CNTN1: variants seen among roughly 807,000 people sequenced by gnomAD.
The protein encoded by CNTN1 is contactin 1, also known as contactin-1.
A neutral mutation model predicts 126.4 loss-of-function variants in CNTN1; 38 were observed. That is an observed-to-expected ratio of 0.30 (90% CI 0.23 to 0.39). The LOEUF (loss-of-function observed/expected upper bound fraction) is 0.39, where lower values mean the gene tolerates loss of function less well. Among genes scored for constraint, CNTN1 ranks in the 10% least tolerant of loss-of-function variants. CNTN1 has a pLI of 1.00. For synonymous variants in CNTN1, 413 were observed against 422.6 expected (o/e 0.98, Z 0.28); for missense variants, 1,009 against 1,248.4 (o/e 0.81, Z 2.89).
At chr12:40,892,419 C>T (rs1011910522) in intron 1 of CNTN1, among the ~76,000 whole-genome samples, 1 of 152,006 alleles carries the variant, frequency 6.6e-6, no homozygotes, top group Non-Finnish European at 1.5e-5. Context: ...AACACTAAAT[C>T]CCAGCCACAT....
chr12:40,836,068 G>GTATATATACGTCCATATACAGGTA (rs1942041652), intron 1 of CNTN1, among the ~76,000 whole-genome samples: 1 of 146,220 alleles, frequency 6.8e-6, no homozygotes, highest in Non-Finnish European at 1.5e-5. Flanking sequence ...GTATACAGGT[G>GTATATATACGTCCATATACAGGTA]TATATATACG....
chr12:40,922,134 C>G (rs916519353), intron 4 of CNTN1, 122 bp from the exon 5 acceptor site: 10 of 793,154 alleles, frequency 1.3e-5, no homozygotes, highest in Non-Finnish European at 2.2e-5. Context: ...CCACCTGAAT[C>G]ATATTCTTAA....
chr12:40,723,237 T>C (rs1219509877), intron 1 of CNTN1, among the ~76,000 whole-genome samples: 1 of 152,186 alleles, frequency 6.6e-6, no homozygotes, highest in Non-Finnish European at 1.5e-5. Flanking sequence ...AATTAATTCT[T>C]AGCTATTCAG....
At chr12:40,717,213 C>T (rs1252341023) in intron 1 of CNTN1, among the ~76,000 whole-genome samples, 1 of 152,150 alleles carries the variant, frequency 6.6e-6, no homozygotes, top group African/African-American at 2.4e-5. Flanking sequence ...TTACTACTCT[C>T]ACTCTCTTTA....
intron 15 of CNTN1, among the ~76,000 whole-genome samples, chr12:40,975,181 TATATATATATATATA>T (rs1566074040): frequency 0.26 from 32,740 of 126,582 alleles, 4,117 homozygotes; most frequent in South Asian, 0.35. Flanking sequence ...AAATGGATTA[TATATATATATATATA>T]TATATATATA....
intron 21 of CNTN1, 73 bp downstream of exon 21, chr12:41,025,409 A>G: frequency 6.7e-7 from 1 of 1,487,748 alleles, no homozygotes; most frequent in East Asian, 2.3e-5. Flanking sequence ...AATATATTTG[A>G]AGGAAATTTC....
intron 1 of CNTN1, among the ~76,000 whole-genome samples, chr12:40,754,101 A>G (rs1414429990): frequency 6.6e-6 from 1 of 152,080 alleles, no homozygotes; most frequent in Non-Finnish European, 1.5e-5. Context: ...TTGGTACACT[A>G]TAGATGTGTG....
At chr12:41,026,964 T>C (rs1949049849) in intron 21 of CNTN1, among the ~76,000 whole-genome samples, 1 of 152,076 alleles carries the variant, frequency 6.6e-6, no homozygotes, top group South Asian at 2.1e-4. Flanking sequence ...GACAACTTGC[T>C]GCCAATTTGG....
chr12:41,031,372 A>G (rs1949142440), intron 23 of CNTN1, among the ~76,000 whole-genome samples: 1 of 152,214 alleles, frequency 6.6e-6, no homozygotes, highest in Admixed American at 6.5e-5. Flanking sequence ...TGTAATTGCC[A>G]CCATACAGGT....
chr12:40,701,688 A>T (rs1403344461), intron 1 of CNTN1, among the ~76,000 whole-genome samples: 4 of 152,170 alleles, frequency 2.6e-5, no homozygotes, highest in Non-Finnish European at 4.4e-5. Flanking sequence ...ATTATTTTGG[A>T]GAGCATAACA....
At chr12:40,783,553 A>C (rs1314814508) in intron 1 of CNTN1, among the ~76,000 whole-genome samples, 5 of 152,096 alleles carry the variant, frequency 3.3e-5, no homozygotes, top group Admixed American at 2.6e-4. Context: ...AGTAAACATC[A>C]ATTTCAATAT....
chr12:40,743,703 A>G (rs1938046208), intron 1 of CNTN1, among the ~76,000 whole-genome samples: 2 of 151,682 alleles, frequency 1.3e-5, no homozygotes, highest in Admixed American at 1.3e-4. Flanking sequence ...TGGATATTAG[A>G]TAGATTGCAA....
chr12:40,707,404 A>G (rs1242807583), intron 1 of CNTN1, among the ~76,000 whole-genome samples: 6 of 150,492 alleles, frequency 4.0e-5, no homozygotes, highest in Non-Finnish European at 8.9e-5. Context: ...GCCTGCCACC[A>G]CACCCGGCTA....
rs189260601 is a variant in CNTN1, at chr12:40,804,720, T to C, written c.-76-103637T>C. ...CACAGTGGACTGGCTATTTTTACCA[T>C]TTTAAGAGCTCTTTATATTTTTTTA... On this transcript the variant is annotated intron_variant, in intron 1 of 23. Coordinates refer to ENST00000551295, the MANE Select transcript of CNTN1 (RefSeq NM_001843.4). 1.9e-3 allele frequency among the ~76,000 whole-genome samples: 284 copies of C among 152,128 alleles called. 1 individual carries two copies. Among genetic ancestry groups the C allele is most frequent in the Non-Finnish European group, 1.6e-3 (112 of 67,960 alleles).
intron 1 of CNTN1, among the ~76,000 whole-genome samples, chr12:40,748,190 G>A (rs1212476420): frequency 1.3e-5 from 2 of 152,138 alleles, no homozygotes; most frequent in Non-Finnish European, 2.9e-5. Context: ...ATGAATATCT[G>A]AGCAGAAGCC....
intron 1 of CNTN1, chr12:40,729,653 C>A: frequency 4.6e-6 from 1 of 217,400 alleles, no homozygotes. Context: ...CAAACTTTTT[C>A]ATACAGCTCC....
chr12:40,775,739 C>T (rs1023124470), intron 1 of CNTN1, among the ~76,000 whole-genome samples: 1 of 151,502 alleles, frequency 6.6e-6, no homozygotes, highest in Admixed American at 6.6e-5. Context: ...TATGTGTAGG[C>T]ACCAGCAAGT....
chr12:40,950,097 G>GGGGTGTGT (rs1193146995), intron 14 of CNTN1, among the ~76,000 whole-genome samples: 2 of 145,234 alleles, frequency 1.4e-5, no homozygotes, highest in South Asian at 2.3e-4. Context: ...GTGTTGAGAG[G>GGGGTGTGT]GTGTGTGTGT....
At chr12:40,711,909 C>T (rs1941923119) in intron 1 of CNTN1, among the ~76,000 whole-genome samples, 1 of 151,976 alleles carries the variant, frequency 6.6e-6, no homozygotes. Context: ...AGAGGTCTTG[C>T]TATGTTTGCT....
Sources: allele counts gnomAD v4.1 joint callset (sites outside exome capture counted in the v4.1 genomes callset), GRCh38; gene constraint gnomAD v4.1.1; transcripts MANE v1.5; gene names NCBI Gene and HGNC (gene_info 2026-07-23, HGNC 2026-07-21).